The following PCDHA1 variants were observed in gnomAD, a reference collection of about 807,000 sequenced individuals.
PCDHA1 encodes protocadherin alpha 1, also known as protocadherin alpha-1.
In PCDHA1, 42 loss-of-function variants were observed where a neutral mutation model predicts 61.3. The observed-to-expected ratio is 0.69, with a 90% CI of 0.54 to 0.89. The LOEUF (loss-of-function observed/expected upper bound fraction) is 0.89. Ranked by LOEUF, PCDHA1 falls within the 40% of genes least tolerant of loss-of-function variation. PCDHA1 has a pLI of 0.00. For missense variants in PCDHA1, 1,256 were observed against 1,235.3 expected, an observed-to-expected ratio of 1.02 and a Z score of -0.25; for synonymous variants, 610 against 553.8, an observed-to-expected ratio of 1.10 and a Z score of -1.43.
intron 1 of PCDHA1, chr5:140,796,437 C>T (rs1211584292): frequency 6.2e-7 from 1 of 1,613,562 alleles, no homozygotes; most frequent in South Asian, 1.1e-5. Context: ...CGCTGGTGTC[C>T]TACTCGCTGG....
At chr5:140,800,935 G>T in intron 1 of PCDHA1, 5 of 905,018 alleles carry the variant, frequency 5.5e-6, no homozygotes, top group Non-Finnish European at 7.3e-6. Context: ...GAAATTTTGG[G>T]AAAGTTCAAA....
intron 1 of PCDHA1, chr5:140,870,140 C>G: frequency 6.2e-7 from 1 of 1,614,040 alleles, no homozygotes; most frequent in Non-Finnish European, 8.5e-7. Flanking sequence ...AACGATAACT[C>G]TCCTGAAGTC....
In PCDHA1 at chr5:140,822,776, AAGT is replaced by A. The variant is rs2150119362; in HGVS notation, c.2394+34099_2394+34101del. On this transcript the variant is annotated intron_variant, in intron 1 of 3. Coordinates refer to ENST00000504120, the MANE Select transcript of PCDHA1 (RefSeq NM_018900.4). ...ACATTCCCATTATCAGGACACTGTA[AAGT>A]AGTAGTGAAACTCCTGGATGTGAAT... The A allele has an allele frequency of 3.7e-6, 6 of 1,614,134 alleles. No individual in the cohort carries two copies. In the South Asian group the frequency reaches 6.6e-5, roughly 18 times the overall value.
chr5:140,853,035 T>C (rs1292351508), intron 1 of PCDHA1: 9 of 256,094 alleles, frequency 3.5e-5, no homozygotes, highest in South Asian at 1.5e-4. Context: ...CCTGCCACCA[T>C]GCCCGCCTAA....
chr5:140,909,254 G>T (rs915513119), intron 1 of PCDHA1, among the ~76,000 whole-genome samples: 1 of 152,216 alleles, frequency 6.6e-6, no homozygotes, highest in Non-Finnish European at 1.5e-5. Context: ...TGCTGGCCTT[G>T]CTGACTGAAG....
At position 140,822,311 on chromosome 5, in the gene PCDHA1, T is replaced by C. The variant is rs2150115433; in HGVS notation, c.2394+33627T>C. The stretch of plus-strand genomic sequence containing the variant: ...TTAAATCCAAACGAATATTTTGACT[T>C]AGATGTTAAAACAAATGAAGAAGAA... On this transcript the variant is annotated intron_variant, in intron 1 of 3. Transcript: ENST00000504120. The C allele has an allele frequency of 1.5e-5, 24 of 1,614,190 alleles. 1 individual carries two copies. The South Asian group carries it at 2.6e-4, about 18-fold the overall frequency.
Position 140,850,162 on chromosome 5 carries a change from T to A in PCDHA1, c.2394+61478T>A. On this transcript the variant is annotated intron_variant, in intron 1 of 3. Transcript: ENST00000504120. ...AACGTGACGCTGCAGGTGTTCGTGCTGGACGAGAACGACAATGCGCCGGCG... is the reference window on the plus strand; with the variant it reads ...AACGTGACGCTGCAGGTGTTCGTGCAGGACGAGAACGACAATGCGCCGGCG... 8.8e-6 allele frequency: 14 copies of A among 1,595,026 alleles called. 2 individuals carry two copies. The highest frequency in any genetic ancestry group is 1.2e-5 in the Non-Finnish European group (14 of 1,167,802).
chr5:141,006,376 TAA>T (rs2098270900), intron 3 of PCDHA1, among the ~76,000 whole-genome samples: 1 of 151,996 alleles, frequency 6.6e-6, no homozygotes, highest in South Asian at 2.1e-4. Flanking sequence ...CACGCCCGGC[TAA>T]GTTTTTTCTA....
At position 140,842,583 on chromosome 5, in the gene PCDHA1, A is replaced by G. The variant is rs2150339895; in HGVS notation, c.2394+53899A>G. ...CTGGACCGCGAGAGAGTGTCGGCCT[A>G]TGAGTTGGTGGTAACCGCGCGGGAC... On this transcript the variant is annotated intron_variant, in intron 1 of 3. Transcript: ENST00000504120. The G allele has an allele frequency of 3.9e-5, 59 of 1,520,170 alleles. 7 individuals are homozygous for G. The highest frequency in any genetic ancestry group is 5.2e-5 in the Non-Finnish European group (58 of 1,118,060). The allele number at this position is 1,520,170 out of a possible 1,614,324, so 94.2% of individuals were successfully genotyped here.
intron 3 of PCDHA1, 65 bp downstream of exon 3, chr5:140,982,628 G>T: frequency 6.3e-7 from 1 of 1,578,118 alleles, no homozygotes; most frequent in Non-Finnish European, 8.6e-7. Flanking sequence ...ACCTACTTTT[G>T]TAAGATCAGG....
At chr5:140,967,690 C>T (rs782694266) in intron 1 of PCDHA1, 1 of 1,614,190 alleles carries the variant, frequency 6.2e-7, no homozygotes, top group Admixed American at 1.7e-5. Flanking sequence ...GGCAGCTCTT[C>T]AGCATAGATG....
chr5:140,863,075 CG>C (rs2047768391), intron 1 of PCDHA1: 1 of 569,530 alleles, frequency 1.8e-6, no homozygotes, highest in South Asian at 1.4e-5. Context: ...GGGCTCTGCA[CG>C]GGCGAGATCA....
At chr5:140,807,152 C>G in intron 1 of PCDHA1, 1 of 1,579,498 alleles carries the variant, frequency 6.3e-7, no homozygotes. Flanking sequence ...CTTTGAGAAA[C>G]GATATTTAAT....
At chr5:141,000,415 A>AT (rs1563651650) in intron 3 of PCDHA1, among the ~76,000 whole-genome samples, 6 of 87,394 alleles carry the variant, frequency 6.9e-5, no homozygotes, top group African/African-American at 1.5e-4. Flanking sequence ...ATATATATAT[A>AT]TATATATTTT....
intron 2 of PCDHA1, among the ~76,000 whole-genome samples, chr5:140,982,084 A>G (rs2096965344): frequency 6.6e-6 from 1 of 152,266 alleles, no homozygotes; most frequent in East Asian, 1.9e-4. Flanking sequence ...TAGAGAACCT[A>G]GGAACAAGAG....
rs527638271 is a variant in PCDHA1, at chr5:140,882,967, G to A, written c.2394+94283G>A. 3.1e-4 allele frequency: 497 copies of A among 1,614,172 alleles called. 6 individuals are homozygous for A. In the South Asian group the frequency reaches 5.0e-3, roughly 16 times the overall value. On this transcript the variant is annotated intron_variant, in intron 1 of 3. Transcript: ENST00000504120. Reference sequence around the variant, plus strand: ...CAGTTCAGCTGCTCATCACGATTCTGGACGTGAATGACAACGCCCCGGAAT... The same window carrying A: ...CAGTTCAGCTGCTCATCACGATTCTAGACGTGAATGACAACGCCCCGGAAT...
At chr5:140,807,597 A>T (rs144914662) in intron 1 of PCDHA1, 76 of 1,614,090 alleles carry the variant, frequency 4.7e-5, no homozygotes, top group Non-Finnish European at 5.8e-5. Context: ...CCAGCAACAC[A>T]AAAGAACCTG....
rs200919454 is a variant in PCDHA1 at position 140,828,210 on chromosome 5, A to C, written c.2394+39526A>C. The C allele has an allele frequency of 4.6e-5, 74 of 1,613,938 alleles. No individual in the cohort carries two copies. The highest frequency in any genetic ancestry group is 5.9e-5 in the Non-Finnish European group (70 of 1,180,054). ...CACTACTCCGTACCCGAGGAGGCCA[A>C]ACACGGCACCTTCGTGGGCCGGATC... On this transcript the variant is annotated intron_variant, in intron 1 of 3. Coordinates refer to ENST00000504120, the MANE Select transcript of PCDHA1 (RefSeq NM_018900.4).
intron 1 of PCDHA1, chr5:140,864,893 T>C (rs1554159192): frequency 1.3e-5 from 2 of 152,194 alleles, no homozygotes; most frequent in South Asian, 2.1e-4. Flanking sequence ...TTAAGCTGCA[T>C]GGTCTTCAGA....
Sources: allele counts gnomAD v4.1 joint callset (sites outside exome capture counted in the v4.1 genomes callset), GRCh38; gene constraint gnomAD v4.1.1; transcripts MANE v1.5; gene names NCBI Gene and HGNC (gene_info 2026-07-23, HGNC 2026-07-21).